The following TJP2 variants were observed in gnomAD, a reference collection of about 807,000 sequenced individuals.
TJP2 encodes the protein Friedreich ataxia region gene X104 (tight junction protein ZO-2).
In TJP2, 91 loss-of-function variants were observed where a neutral mutation model predicts 133.1. The observed-to-expected ratio is 0.68, with a 90% CI of 0.58 to 0.81. The LOEUF (loss-of-function observed/expected upper bound fraction) is 0.81, where lower values mean the gene tolerates loss of function less well. TJP2 is among the 40% of genes least tolerant of loss of function. The pLI is 0.00. For synonymous variants in TJP2, 592 were observed against 583.4 expected (o/e 1.01, Z -0.21); for missense variants, 1,541 against 1,565.6 (o/e 0.98, Z 0.26).
intron 1 of TJP2, among the ~76,000 whole-genome samples, chr9:69,189,362 T>G (rs1263387207): frequency 6.6e-6 from 1 of 152,220 alleles, no homozygotes; most frequent in East Asian, 1.9e-4. Context: ...CTCCTCACTG[T>G]CTTTCCCCAG....
intron 1 of TJP2, among the ~76,000 whole-genome samples, chr9:69,196,681 T>A (rs1282856139): frequency 3.3e-5 from 5 of 152,124 alleles, no homozygotes; most frequent in Admixed American, 3.3e-4. Flanking sequence ...TTTAGTACTG[T>A]ATATTCACAG....
At chr9:69,176,333 A>G (rs1587974648) in intron 1 of TJP2, among the ~76,000 whole-genome samples, 1 of 152,332 alleles carries the variant, frequency 6.6e-6, no homozygotes, top group East Asian at 1.9e-4. Flanking sequence ...GTAGCTAGTA[A>G]TAGGAACAAA....
At chr9:69,157,139 C>T (rs1823811985) in intron 2 of TJP2, among the ~76,000 whole-genome samples, 1 of 152,262 alleles carries the variant, frequency 6.6e-6, no homozygotes, top group South Asian at 2.1e-4. Context: ...GAAGTCCATT[C>T]AGATGGTTGC....
At chr9:69,157,438 A>G (rs535672201) in intron 2 of TJP2, among the ~76,000 whole-genome samples, 16 of 151,700 alleles carry the variant, frequency 1.1e-4, no homozygotes, top group Admixed American at 4.6e-4. Context: ...TCTAGAGGCT[A>G]GAAGTCTGAA....
intron 1 of TJP2, among the ~76,000 whole-genome samples, chr9:69,211,439 C>T (rs750802398): frequency 5.3e-5 from 8 of 152,212 alleles, no homozygotes; most frequent in Non-Finnish European, 1.0e-4. Flanking sequence ...TTTGATTCTT[C>T]AGTTTATGTT....
intron 1 of TJP2, 75 bp downstream of exon 1, chr9:69,174,507 C>T (rs979371448): frequency 2.1e-5 from 30 of 1,450,338 alleles, no homozygotes; most frequent in African/African-American, 1.7e-4. Context: ...GGGCTCTGCT[C>T]GCGTGCTGCT....
chr9:69,199,327 G>A (rs1344495812), intron 1 of TJP2, among the ~76,000 whole-genome samples: 1 of 152,092 alleles, frequency 6.6e-6, no homozygotes, highest in Non-Finnish European at 1.5e-5. Context: ...TCAGGAGTTC[G>A]AGACCAGCCT....
At chr9:69,253,958 T>TC in intron 22 of TJP2, 1 of 536,880 alleles carries the variant, frequency 1.9e-6, no homozygotes, top group South Asian at 2.0e-5. Context: ...GCACCCCCTG[T>TC]CCAACAGGGA....
At chr9:69,199,142 G>T (rs959708474) in intron 1 of TJP2, among the ~76,000 whole-genome samples, 4 of 151,144 alleles carry the variant, frequency 2.6e-5, no homozygotes, top group Admixed American at 6.6e-5. Flanking sequence ...TCATCTGGAG[G>T]TAGGTTTACC....
chr9:69,231,243 G>A (rs1282367427), intron 11 of TJP2, among the ~76,000 whole-genome samples: 2 of 152,078 alleles, frequency 1.3e-5, no homozygotes, highest in Admixed American at 6.6e-5. Context: ...CCCAGTAGCT[G>A]GGATTACAGG....
upstream of TJP2, among the ~76,000 whole-genome samples, chr9:69,170,357 T>G (rs901297886): frequency 3.3e-5 from 5 of 152,200 alleles, no homozygotes; most frequent in Non-Finnish European, 5.9e-5. Context: ...GTAATTTGTG[T>G]TTTTTTGTTG....
exon 1 of TJP2, chr9:69,121,686 CGACACCGCCGGCCGCGGCGGCG>C (rs1822148411): frequency 6.5e-6 from 1 of 153,062 alleles, no homozygotes; most frequent in African/African-American, 2.4e-5. Context: ...GCCCAGCGCC[CGACACCGCCGGCCGCGGCGGCG>C]GCCGCCACCG....
chr9:69,156,127 G>T (rs988824468), intron 2 of TJP2, among the ~76,000 whole-genome samples: 2 of 152,182 alleles, frequency 1.3e-5, no homozygotes, highest in African/African-American at 4.8e-5. Context: ...CACTTTGGGA[G>T]GCCCAGGCTG....
intron 11 of TJP2, 97 bp from the exon 12 acceptor site, chr9:69,234,342 G>A (rs1255958360): frequency 3.0e-6 from 3 of 1,015,304 alleles, no homozygotes; most frequent in Admixed American, 2.6e-5. Context: ...AAAAGGGTCA[G>A]TGGCATCTTA....
Position 69,254,322 on chromosome 9 carries a change from C to G in TJP2, c.3521C>G (p.Ser1174Cys), listed in dbSNP as rs1831553464. 1.2e-6 allele frequency: 2 copies of G among 1,614,254 alleles called. No homozygotes were observed. The highest frequency in any genetic ancestry group is 8.5e-7 in the Non-Finnish European group (1 of 1,180,054). Residue 1174 changes from serine to cysteine, a missense_variant, in exon 23 of 23, where the codon TCC becomes TGC. Physicochemically the swap from Ser to Cys is moderately radical, Grantham distance 112. Transcript: ENST00000377245. ...TACCGCCAGCAGCTGTCAGAACACTCCAAGCGCGGTTACTATGGCCAGTCT... is the reference window on the plus strand; with the variant it reads ...TACCGCCAGCAGCTGTCAGAACACTGCAAGCGCGGTTACTATGGCCAGTCT... Reference protein sequence around the residue: ...EEYRQQLSEHSKRGYYGQSAR... With the variant: ...EEYRQQLSEHCKRGYYGQSAR...
At chr9:69,132,405 A>C (rs1305180228) in intron 1 of TJP2, among the ~76,000 whole-genome samples, 1 of 152,200 alleles carries the variant, frequency 6.6e-6, no homozygotes, top group African/African-American at 2.4e-5. Context: ...TGAGAGTGGC[A>C]GGTGAGGATG....
At chr9:69,135,328 C>T (rs1054288199) in intron 1 of TJP2, among the ~76,000 whole-genome samples, 7 of 152,136 alleles carry the variant, frequency 4.6e-5, no homozygotes, top group African/African-American at 9.7e-5. Flanking sequence ...TTATTATCCC[C>T]GGTTTACAGA....
Position 69,226,056 on chromosome 9 carries a change from C to T in TJP2, c.1091C>T (p.Thr364Met), listed in dbSNP as rs77321498. The change falls in exon 7 of 23, where the codon ACG becomes ATG. Residue 364 changes from threonine to methionine, a missense_variant. Transcript: ENST00000377245. ...ACTGTAACTGAGAACATGTCTTTAA[C>T]GGATGCTCGAAAATTGATAGAAAAG... ...NGTVTENMSL[T>M]DARKLIEKSR... 1,972 of 1,614,060 alleles carry T rather than the reference C, an allele frequency of 1.2e-3. 9 individuals are homozygous for T. The African/African-American group carries it at 0.02, about 16-fold the overall frequency.
chr9:69,181,469 C>T (rs1394518429), intron 1 of TJP2, among the ~76,000 whole-genome samples: 1 of 152,020 alleles, frequency 6.6e-6, no homozygotes, highest in Admixed American at 6.6e-5. Context: ...AGGCTGGTCT[C>T]GAACTCCTGA....
Sources: allele counts gnomAD v4.1 joint callset (sites outside exome capture counted in the v4.1 genomes callset), GRCh38; gene constraint gnomAD v4.1.1; transcripts MANE v1.5; gene names NCBI Gene and HGNC (gene_info 2026-07-23, HGNC 2026-07-21).